RBFOX1: variants seen among roughly 807,000 people sequenced by gnomAD.
RBFOX1 encodes RNA binding protein fox-1 homolog 1.
RBFOX1 carries 8 observed loss-of-function variants against 57.7 expected under a neutral mutation model. The ratio of observed to expected loss-of-function variants is 0.14; its 90% CI spans 0.08 to 0.25. RBFOX1 has a LOEUF of 0.25. RBFOX1 is among the 10% of genes least tolerant of loss of function. The pLI is 1.00. For synonymous variants in RBFOX1, 326 were observed against 222.4 expected, an observed-to-expected ratio of 1.47 and a Z score of -4.15; for missense variants, 611 against 548.5, an observed-to-expected ratio of 1.11 and a Z score of -1.14.
chr16:7,176,859 CAG>C (rs1275057931), intron 4 of RBFOX1, among the ~76,000 whole-genome samples: 2 of 152,052 alleles, frequency 1.3e-5, no homozygotes, highest in African/African-American at 4.8e-5. Flanking sequence ...AAATGTAAGA[CAG>C]AGAGAAAGCA....
intron 4 of RBFOX1, among the ~76,000 whole-genome samples, chr16:5,941,080 G>T (rs543035854): frequency 6.6e-6 from 1 of 152,098 alleles, no homozygotes; most frequent in Admixed American, 6.5e-5. Context: ...GGAACACATT[G>T]CCTGGGATAC....
At chr16:6,306,071 A>T (rs182563667) in intron 1 of RBFOX1, among the ~76,000 whole-genome samples, 1 of 152,146 alleles carries the variant, frequency 6.6e-6, no homozygotes, top group Middle Eastern at 3.4e-3. Flanking sequence ...TGCTCTAGGC[A>T]CTCTGTTGAG....
At chr16:6,205,266 T>C (rs1423662545) in intron 1 of RBFOX1, among the ~76,000 whole-genome samples, 1 of 152,198 alleles carries the variant, frequency 6.6e-6, no homozygotes, top group African/African-American at 2.4e-5. Context: ...ATTAGCTTAA[T>C]GTTGCCTAGA....
At position 6,506,399 on chromosome 16, in the gene RBFOX1, G is replaced by C. The variant is rs183169485; in HGVS notation, c.-63-148204G>C. Among the ~76,000 whole-genome samples, 25 of 152,178 alleles carry C rather than the reference G, an allele frequency of 1.6e-4. No homozygotes were observed. In the East Asian group the frequency reaches 4.1e-3, roughly 25 times the overall value. Reference sequence around the variant, plus strand: ...ACAGCTTGGGTGAAGGCAGAACCAGGGTGGAAAAGGCTTAGTTGGAGAAAC... The same window carrying C: ...ACAGCTTGGGTGAAGGCAGAACCAGCGTGGAAAAGGCTTAGTTGGAGAAAC... On this transcript the variant is annotated intron_variant, in intron 2 of 15. Transcript: ENST00000550418.
At chr16:6,898,562 T>C (rs551673795) in intron 3 of RBFOX1, among the ~76,000 whole-genome samples, 3 of 152,314 alleles carry the variant, frequency 2.0e-5, no homozygotes, top group African/African-American at 7.2e-5. Context: ...TCTGCTGTGT[T>C]ACACGGTACA....
At chr16:6,780,371 A>T (rs1421314399) in intron 3 of RBFOX1, among the ~76,000 whole-genome samples, 1 of 94,114 alleles carries the variant, frequency 1.1e-5, no homozygotes, top group African/African-American at 4.7e-5. Context: ...ACATATTTAT[A>T]GATATATTTA....
intron 1 of RBFOX1, among the ~76,000 whole-genome samples, chr16:6,025,186 G>C (rs142393350): frequency 6.6e-6 from 1 of 152,162 alleles, no homozygotes; most frequent in African/African-American, 2.4e-5. Context: ...CTTCCTGGCC[G>C]GCCGGCTCTA....
intron 3 of RBFOX1, among the ~76,000 whole-genome samples, chr16:6,801,102 A>T (rs1209562132): frequency 6.6e-6 from 1 of 151,726 alleles, no homozygotes; most frequent in African/African-American, 2.4e-5. Context: ...CATTCAGTAG[A>T]TCTGGGGATT....
chr16:7,586,757 T>C (rs2094147575), intron 6 of RBFOX1, among the ~76,000 whole-genome samples: 1 of 152,232 alleles, frequency 6.6e-6, no homozygotes, highest in South Asian at 2.1e-4. Context: ...TAGTGGAGTT[T>C]GCTTCTGTGT....
intron 1 of RBFOX1, among the ~76,000 whole-genome samples, chr16:6,258,925 A>G (rs964344958): frequency 6.6e-6 from 1 of 152,226 alleles, no homozygotes; most frequent in African/African-American, 2.4e-5. Flanking sequence ...AAACATTTAA[A>G]TGTTTATAAA....
chr16:6,947,551 T>G (rs570409069), intron 3 of RBFOX1, among the ~76,000 whole-genome samples: 9 of 152,190 alleles, frequency 5.9e-5, no homozygotes, highest in African/African-American at 2.2e-4. Context: ...GAAACATGAA[T>G]GGACTTGAGT....
chr16:6,694,152 A>C (rs1431254171), intron 3 of RBFOX1, among the ~76,000 whole-genome samples: 1 of 152,190 alleles, frequency 6.6e-6, no homozygotes, highest in African/African-American at 2.4e-5. Flanking sequence ...GACTCTGCCA[A>C]CTGTTGGAGT....
At chr16:5,956,449 G>A (rs1192586380) in intron 4 of RBFOX1, among the ~76,000 whole-genome samples, 2 of 151,326 alleles carry the variant, frequency 1.3e-5, no homozygotes, top group Admixed American at 1.3e-4. Flanking sequence ...CTAGATGTGG[G>A]GAGATGCAAG....
At chr16:5,326,211 A>G in intron 1 of RBFOX1, among the ~76,000 whole-genome samples, 1 of 151,990 alleles carries the variant, frequency 6.6e-6, no homozygotes, top group East Asian at 1.9e-4. Context: ...TGCAATACTT[A>G]CCCTCCTTCT....
At chr16:6,473,399 C>T (rs1264404916) in intron 2 of RBFOX1, among the ~76,000 whole-genome samples, 1 of 152,026 alleles carries the variant, frequency 6.6e-6, no homozygotes, top group Non-Finnish European at 1.5e-5. Flanking sequence ...AGCATCTTAT[C>T]GAAGGTATGT....
At chr16:6,148,300 C>G (rs1330135450) in intron 1 of RBFOX1, among the ~76,000 whole-genome samples, 2 of 152,232 alleles carry the variant, frequency 1.3e-5, no homozygotes, top group Non-Finnish European at 2.9e-5. Flanking sequence ...GCACTCCAGC[C>G]TGGGCGACGG....
chr16:5,441,360 AG>A lies in RBFOX1; in HGVS notation c.220-25853del, dbSNP rs1330743584. 1.9e-4 allele frequency among the ~76,000 whole-genome samples: 22 copies of A among 115,386 alleles called. 1 individual carries two copies. The highest frequency in any genetic ancestry group is 6.9e-4 in the Admixed American group (7 of 10,076). 75.7% of individuals were successfully genotyped at this position (115,386 alleles called of 152,430 possible). On this transcript the variant is annotated intron_variant, in intron 1 of 2. Transcript: ENST00000585867. ...AGACTGGTTAATTTATAAAGGAAAG[AG>A]GGTTTTTTTTTTTTTTTTTTTGAGA...
rs1025182649 is a variant in RBFOX1 at position 6,258,667 on chromosome 16, A to C, written c.-126-58328A>C. 7.9e-5 allele frequency among the ~76,000 whole-genome samples: 12 copies of C among 152,204 alleles called. 1 individual carries two copies. The highest frequency in any genetic ancestry group is 1.3e-4 in the Admixed American group (2 of 15,278). On this transcript the variant is annotated intron_variant, in intron 1 of 15. Coordinates refer to ENST00000550418, the MANE Select transcript of RBFOX1 (RefSeq NM_018723.4). ...ATTTTCTGCATTTCACTTTTTAACT[A>C]AGCAGGATAATTGTTTAAATGTTTA...
At chr16:5,722,523 G>A (rs2051973915) in intron 3 of RBFOX1, among the ~76,000 whole-genome samples, 1 of 152,258 alleles carries the variant, frequency 6.6e-6, no homozygotes, top group African/African-American at 2.4e-5. Context: ...AGGGGATCAA[G>A]GGGGGCATTC....
Sources: allele counts gnomAD v4.1 joint callset (sites outside exome capture counted in the v4.1 genomes callset), GRCh38; gene constraint gnomAD v4.1.1; transcripts MANE v1.5; gene names NCBI Gene and HGNC (gene_info 2026-07-23, HGNC 2026-07-21).